The following IGF2R variants were observed in gnomAD, a reference collection of about 807,000 sequenced individuals.
IGF2R encodes the protein insulin like growth factor 2 receptor.
In IGF2R, 91 loss-of-function variants were observed where a neutral mutation model predicts 270.6. The observed-to-expected ratio is 0.34, with a 90% confidence interval of 0.28 to 0.40. The LOEUF (loss-of-function observed/expected upper bound fraction) is 0.40, where lower values mean the gene tolerates loss of function less well. Ranked by LOEUF, IGF2R falls within the 10% of genes least tolerant of loss-of-function variation. The pLI is 1.00. For synonymous variants in IGF2R, 1,316 were observed against 1,258.9 expected (o/e 1.05, Z -0.96); for missense variants, 2,805 against 3,188.3 (o/e 0.88, Z 2.90).
intron 32 of IGF2R, among the ~76,000 whole-genome samples, chr6:160,072,310 G>T (rs909171728): frequency 6.6e-6 from 1 of 152,108 alleles, no homozygotes; most frequent in African/African-American, 2.4e-5. Context: ...TGGGGTTACT[G>T]ACAGTGTCAG....
intron 4 of IGF2R, among the ~76,000 whole-genome samples, chr6:160,017,558 G>A (rs895234451): frequency 1.3e-5 from 2 of 152,136 alleles, no homozygotes; most frequent in African/African-American, 4.8e-5. Flanking sequence ...ACAACATATA[G>A]CCATGAGACT....
chr6:160,054,843 A>G (rs1778275873), intron 19 of IGF2R, among the ~76,000 whole-genome samples: 1 of 152,180 alleles, frequency 6.6e-6, no homozygotes, highest in Non-Finnish European at 1.5e-5. Context: ...CAACTAAATT[A>G]TTAACAATCC....
At chr6:160,061,123 A>G (rs1778429749) in intron 23 of IGF2R, among the ~76,000 whole-genome samples, 1 of 152,102 alleles carries the variant, frequency 6.6e-6, no homozygotes, top group East Asian at 1.9e-4. Context: ...TCTGGGATTG[A>G]CCCTGCCTGC....
Position 160,032,556 on chromosome 6 carries a change from C to G in IGF2R, c.888C>G (p.Thr296=). The G allele has an allele frequency of 6.2e-7, 1 of 1,613,440 alleles. No individual in the cohort carries two copies. Among genetic ancestry groups the G allele is most frequent in the South Asian group, 1.1e-5 (1 of 91,004 alleles). The change falls in exon 8 of 48, where the codon ACC becomes ACG. Residue 296 remains threonine, a synonymous_variant. Transcript: ENST00000356956. ...TTTCACATTGTTCCTGATAGGGCAC[C>G]ATTCCCAAACTCACAGCTAAATCCA... is the stretch of plus-strand genomic sequence containing the variant. ...FVCPSERREG[T]IPKLTAKSNC...
intron 22 of IGF2R, 55 bp from the exon 23 acceptor site, chr6:160,060,492 G>A: frequency 1.3e-6 from 2 of 1,569,560 alleles, no homozygotes; most frequent in Admixed American, 1.7e-5. Context: ...GTGCTTGTGG[G>A]CTGCGCCATG....
intron 6 of IGF2R, among the ~76,000 whole-genome samples, chr6:160,028,805 A>G (rs1777620362): frequency 6.6e-6 from 1 of 150,514 alleles, no homozygotes; most frequent in African/African-American, 2.4e-5. Flanking sequence ...GTGGGCAAAA[A>G]TGCACCTGGC....
intron 1 of IGF2R, among the ~76,000 whole-genome samples, chr6:159,987,890 C>T (rs1783912551): frequency 6.6e-6 from 1 of 152,086 alleles, no homozygotes; most frequent in African/African-American, 2.4e-5. Context: ...TTGAGGTTGC[C>T]AGGCCTGGAG....
At chr6:159,972,512 G>A (rs988795147) in intron 1 of IGF2R, among the ~76,000 whole-genome samples, 1 of 152,190 alleles carries the variant, frequency 6.6e-6, no homozygotes, top group African/African-American at 2.4e-5. Flanking sequence ...AAAAGATGGA[G>A]TTGGATTTCC....
At chr6:159,992,368 C>T (rs1279198918) in intron 2 of IGF2R, among the ~76,000 whole-genome samples, 1 of 152,112 alleles carries the variant, frequency 6.6e-6, no homozygotes, top group Non-Finnish European at 1.5e-5. Context: ...TAATTCCTCA[C>T]CCCCCAACCT....
chr6:159,972,981 C>T (rs1010287350), intron 1 of IGF2R, among the ~76,000 whole-genome samples: 1 of 152,104 alleles, frequency 6.6e-6, no homozygotes, highest in Non-Finnish European at 1.5e-5. Context: ...GTTAATGATT[C>T]TTATGCAGGT....
chr6:159,991,682 A>C (rs139376274), intron 2 of IGF2R, among the ~76,000 whole-genome samples: 1 of 152,234 alleles, frequency 6.6e-6, no homozygotes, highest in Non-Finnish European at 1.5e-5. Flanking sequence ...ATTTCCTTTT[A>C]GTGCTCCCCC....
Position 160,063,510 on chromosome 6 carries a change from A to G in IGF2R, c.3766A>G (p.Thr1256Ala), listed in dbSNP as rs1372451286. 6.2e-7 allele frequency: 1 copy of G among 1,613,972 alleles called. No homozygotes were observed. The highest frequency in any genetic ancestry group is 8.5e-7 in the Non-Finnish European group (1 of 1,180,016). ...CACCATCGTGAGCGCTGGCGAATAC[A>G]CTTATTACTTCCGGGTCTGTGGGAA... ...NDTIVSAGEY[T>A]YYFRVCGKLS... The change falls in exon 27 of 48, where the codon ACT (threonine) becomes GCT (alanine). Residue 1256 changes from threonine (T) to alanine (A), a missense_variant. This residue lies in a region of IGF2R where 1,851 missense variants were observed against 2,207.2 expected (regional missense o/e 0.84). Transcript: ENST00000356956.
At chr6:159,993,823 T>C (rs140357577) in intron 2 of IGF2R, among the ~76,000 whole-genome samples, 1 of 152,226 alleles carries the variant, frequency 6.6e-6, no homozygotes, top group Non-Finnish European at 1.5e-5. Flanking sequence ...GGCATTATGG[T>C]CATGTTAACA....
At chr6:160,041,469 A>G (rs891812699) in intron 11 of IGF2R, among the ~76,000 whole-genome samples, 8 of 152,094 alleles carry the variant, frequency 5.3e-5, no homozygotes, top group Non-Finnish European at 8.8e-5. Context: ...AGCACACACC[A>G]TGGCCTGTTT....
At chr6:160,026,963 T>C (rs892948976) in intron 5 of IGF2R, among the ~76,000 whole-genome samples, 1 of 152,212 alleles carries the variant, frequency 6.6e-6, no homozygotes, top group Non-Finnish European at 1.5e-5. Context: ...ATAACCTGTT[T>C]CCTGTGCACC....
At chr6:160,101,191 G>A (rs1211835797) in intron 45 of IGF2R, among the ~76,000 whole-genome samples, 9 of 152,166 alleles carry the variant, frequency 5.9e-5, no homozygotes, top group African/African-American at 1.7e-4. Context: ...TACGTTTGAA[G>A]ACTAAAACTC....
intron 9 of IGF2R, among the ~76,000 whole-genome samples, chr6:160,033,483 C>G (rs532563922): frequency 1.3e-5 from 2 of 152,224 alleles, no homozygotes; most frequent in Admixed American, 1.3e-4. Flanking sequence ...ACATAACTCC[C>G]TCTCCTTTTC....
chr6:160,076,947 T>C (rs955330137), intron 36 of IGF2R, among the ~76,000 whole-genome samples: 4 of 152,158 alleles, frequency 2.6e-5, no homozygotes, highest in African/African-American at 7.2e-5. Context: ...TTGGGTGTCT[T>C]GTAATTCTGA....
chr6:160,015,574 C>T (rs775856994), intron 4 of IGF2R, among the ~76,000 whole-genome samples: 13 of 151,910 alleles, frequency 8.6e-5, no homozygotes, highest in African/African-American at 2.7e-4. Context: ...CGCAAAGATG[C>T]GGGTGCCCCT....
Sources: allele counts gnomAD v4.1 joint callset (sites outside exome capture counted in the v4.1 genomes callset), GRCh38; gene constraint gnomAD v4.1.1; regional missense constraint gnomAD v4.1.1; transcripts MANE v1.5; gene names NCBI Gene and HGNC (gene_info 2026-07-23, HGNC 2026-07-21).